Variants in UBE2E1 observed in about 807,000 individuals in gnomAD.
UBE2E1 encodes ubiquitin-conjugating enzyme E2 E1.
In UBE2E1, 6 loss-of-function variants were observed where a neutral mutation model predicts 21.4. The observed-to-expected ratio is 0.28, with a 90% CI of 0.15 to 0.55. The LOEUF (loss-of-function observed/expected upper bound fraction) is 0.55. UBE2E1 is among the 20% of genes least tolerant of loss of function. UBE2E1 has a pLI of 0.93. For missense variants in UBE2E1, 142 were observed against 236.5 expected (o/e 0.60, Z 2.62); for synonymous variants, 87 against 82.7 (o/e 1.05, Z -0.28).
At chr3:23,825,155 A>C (rs1272751854) in intron 3 of UBE2E1, among the ~76,000 whole-genome samples, 1 of 152,184 alleles carries the variant, frequency 6.6e-6, no homozygotes, top group Non-Finnish European at 1.5e-5. Context: ...TCTTACTCCT[A>C]GTTTTGCAAG....
chr3:23,814,482 TTG>T (rs1374735772), intron 3 of UBE2E1, among the ~76,000 whole-genome samples: 4 of 151,926 alleles, frequency 2.6e-5, no homozygotes, highest in Non-Finnish European at 2.9e-5. Flanking sequence ...TATCTGTGAT[TTG>T]TGTGTGTGTG....
At chr3:23,858,841 T>A (rs1700494726) in intron 3 of UBE2E1, among the ~76,000 whole-genome samples, 1 of 152,158 alleles carries the variant, frequency 6.6e-6, no homozygotes. Context: ...TGGCATGCTA[T>A]CTGCTTACAT....
intron 3 of UBE2E1, among the ~76,000 whole-genome samples, chr3:23,880,860 GGTTT>G (rs1701022476): frequency 6.6e-6 from 1 of 152,176 alleles, no homozygotes; most frequent in South Asian, 2.1e-4. Context: ...TTTGACAGTT[GGTTT>G]GTTAATACCT....
intron 3 of UBE2E1, among the ~76,000 whole-genome samples, chr3:23,868,198 A>G (rs1366786834): frequency 6.6e-6 from 1 of 152,358 alleles, no homozygotes; most frequent in Admixed American, 6.5e-5. Flanking sequence ...AGAATTATTG[A>G]TAGCCCAGAC....
chr3:23,847,663 T>G (rs1700236586), intron 3 of UBE2E1, among the ~76,000 whole-genome samples: 1 of 151,654 alleles, frequency 6.6e-6, no homozygotes, highest in African/African-American at 2.4e-5. Flanking sequence ...CTCGGCTAAT[T>G]TTTTCTAATT....
rs897338059 is a variant in UBE2E1, at chr3:23,870,404, CTG to C, written c.204-17160_204-17159del. On this transcript the variant is annotated intron_variant, in intron 3 of 5. Coordinates refer to ENST00000306627, the MANE Select transcript of UBE2E1 (RefSeq NM_003341.5). This position sits in a 1 kb window ranked among gnomAD's most constrained non-coding sequence, Gnocchi z 4.2. ...GCCTCTTTGAGCAGTTTCAAACAAT[CTG>C]TGGACGGTGTTGTAAAACTGCCACA... 1.3e-5 allele frequency among the ~76,000 whole-genome samples: 2 copies of C among 152,220 alleles called. No individual in the cohort carries two copies. Among genetic ancestry groups the C allele is most frequent in the African/African-American group, 2.4e-5 (1 of 41,468 alleles).
At chr3:23,868,379 A>G (rs7648931) in intron 3 of UBE2E1, among the ~76,000 whole-genome samples, 120,035 of 151,976 alleles carry the variant, frequency 0.79, 48,142 homozygotes, top group African/African-American at 0.9. Context: ...ACACGATCTC[A>G]CTCACTGCAA....
intron 3 of UBE2E1, among the ~76,000 whole-genome samples, chr3:23,869,351 CTTTT>C (rs58059005): frequency 1.7e-5 from 2 of 114,620 alleles, no homozygotes; most frequent in African/African-American, 8.4e-5. Context: ...TTATGGTATC[CTTTT>C]TTTTTTTTTT....
intron 5 of UBE2E1, 156 bp downstream of exon 5, chr3:23,889,415 C>A: frequency 6.8e-7 from 1 of 1,479,502 alleles, no homozygotes; most frequent in South Asian, 1.4e-5. Context: ...CAAGTTCAGT[C>A]TACTAGTTGA....
At chr3:23,846,420 G>A (rs1406076584) in intron 3 of UBE2E1, among the ~76,000 whole-genome samples, 1 of 152,064 alleles carries the variant, frequency 6.6e-6, no homozygotes, top group African/African-American at 2.4e-5. Flanking sequence ...AATGGGGCCA[G>A]GTGCAGTGGC....
rs571713357 is a variant in UBE2E1 at position 23,872,128 on chromosome 3, C to T, written c.204-15439C>T. On this transcript the variant is annotated intron_variant, in intron 3 of 5. Coordinates refer to ENST00000306627, the MANE Select transcript of UBE2E1 (RefSeq NM_003341.5). ...GACTCCGTCTGCAATCCCGGCACCT[C>T]GGGAGGCCGAGGCTGACAAATCACT... Among the ~76,000 whole-genome samples the T allele has an allele frequency of 7.2e-5, 11 of 152,280 alleles. 1 individual carries two copies. The highest frequency in any genetic ancestry group is 3.9e-4 in the East Asian group (2 of 5,176).
chr3:23,871,622 G>A (rs1700792499), intron 3 of UBE2E1, among the ~76,000 whole-genome samples: 1 of 151,580 alleles, frequency 6.6e-6, no homozygotes. Flanking sequence ...CAGACGGGGC[G>A]GTTGCCAGGC....
chr3:23,816,043 C>T lies in UBE2E1; in HGVS notation c.203+4533C>T, dbSNP rs143751123. ...TTTCCTATTAGAGAGGAAAGAAACCCTATCTGGAGATGAATTGCCTTTCAA... is the reference window on the plus strand; with the variant it reads ...TTTCCTATTAGAGAGGAAAGAAACCTTATCTGGAGATGAATTGCCTTTCAA... On this transcript the variant is annotated intron_variant, in intron 3 of 5. Coordinates refer to ENST00000306627, the MANE Select transcript of UBE2E1 (RefSeq NM_003341.5). This position sits in a 1 kb window ranked among gnomAD's most constrained non-coding sequence, Gnocchi z 4.8. Among the ~76,000 whole-genome samples the T allele has an allele frequency of 6.6e-6, 1 of 152,284 alleles. No homozygotes were observed. The highest frequency in any genetic ancestry group is 2.4e-5 in the African/African-American group (1 of 41,556).
intron 3 of UBE2E1, among the ~76,000 whole-genome samples, chr3:23,829,201 C>T: frequency 6.8e-6 from 1 of 147,210 alleles, no homozygotes; most frequent in Admixed American, 6.8e-5. Flanking sequence ...CGCTTTGTTG[C>T]CTAGGCTGGA....
At chr3:23,851,968 G>A (rs893429115) in intron 3 of UBE2E1, among the ~76,000 whole-genome samples, 2 of 152,156 alleles carry the variant, frequency 1.3e-5, no homozygotes, top group Admixed American at 6.5e-5. Flanking sequence ...TAATGAGTGA[G>A]TTTTCACTTG....
intron 3 of UBE2E1, among the ~76,000 whole-genome samples, chr3:23,811,940 T>TA (rs1699402138): frequency 6.6e-6 from 1 of 152,240 alleles, no homozygotes. Flanking sequence ...TCTTCAAACT[T>TA]ACTCCATAGC....
intron 3 of UBE2E1, chr3:23,879,423 G>A: frequency 2.3e-6 from 1 of 444,234 alleles, no homozygotes; most frequent in Non-Finnish European, 4.5e-6. Flanking sequence ...TACAAACCCA[G>A]GAAAACAGTG....
At position 23,823,528 on chromosome 3, in the gene UBE2E1, G is replaced by T. The variant is rs1473861107; in HGVS notation, c.203+12018G>T. On this transcript the variant is annotated intron_variant, in intron 3 of 5. Coordinates refer to ENST00000306627, the MANE Select transcript of UBE2E1 (RefSeq NM_003341.5). The surrounding 1 kb of genome is among the most constrained non-coding windows in gnomAD (Gnocchi z 4.2). ...ACTTACAACCTTTCCTCCTCTATGG[G>T]GGTACATCTCAATTTTTAAGTTAAT... Among the ~76,000 whole-genome samples the T allele has an allele frequency of 6.6e-6, 1 of 152,034 alleles. No individual in the cohort carries two copies. Among genetic ancestry groups the T allele is most frequent in the Non-Finnish European group, 1.5e-5 (1 of 68,002 alleles).
chr3:23,811,359 T>C, intron 2 of UBE2E1, 101 bp from the exon 3 acceptor site: 2 of 1,090,030 alleles, frequency 1.8e-6, no homozygotes, highest in Non-Finnish European at 2.8e-6. Flanking sequence ...TAGAATCCAG[T>C]GATCGCGCTT....
Sources: allele counts gnomAD v4.1 joint callset (sites outside exome capture counted in the v4.1 genomes callset), GRCh38; gene constraint gnomAD v4.1.1; non-coding constraint Gnocchi (gnomAD v3.1); transcripts MANE v1.5; gene names NCBI Gene and HGNC (gene_info 2026-07-23, HGNC 2026-07-21).